Variants in NPAS2 observed in about 807,000 individuals in gnomAD.
The protein encoded by NPAS2 is neuronal PAS domain-containing protein 2.
In NPAS2, 23 loss-of-function variants were observed where a neutral mutation model predicts 107.5. That is an observed-to-expected ratio of 0.21 (90% confidence interval 0.15 to 0.30). The LOEUF is 0.30. NPAS2 is among the 10% of genes least tolerant of loss of function. The pLI, the probability that NPAS2 is intolerant of heterozygous loss-of-function variation, is 1.00. For missense variants in NPAS2, 756 were observed against 1,043.3 expected (o/e 0.72, Z 3.79); for synonymous variants, 403 against 417.5 (o/e 0.97, Z 0.42).
intron 7 of NPAS2, among the ~76,000 whole-genome samples, chr2:100,957,805 G>C (rs1329715558): frequency 6.6e-6 from 1 of 152,206 alleles, no homozygotes; most frequent in South Asian, 2.1e-4. Context: ...GCAGGTGCCT[G>C]TAGTCCCAGC....
chr2:100,888,207 A>C (rs898780543), intron 1 of NPAS2, among the ~76,000 whole-genome samples: 1 of 152,136 alleles, frequency 6.6e-6, no homozygotes, highest in Admixed American at 6.5e-5. Context: ...CAGATTCCTA[A>C]ATGGAAGCTC....
At chr2:100,909,535 G>GC (rs1472293444) in intron 2 of NPAS2, among the ~76,000 whole-genome samples, 2 of 152,218 alleles carry the variant, frequency 1.3e-5, no homozygotes, top group Non-Finnish European at 2.9e-5. Context: ...CTTGCAGAGT[G>GC]CCCCTGCATG....
At chr2:100,881,506 C>T (rs1246151416) in intron 1 of NPAS2, among the ~76,000 whole-genome samples, 9 of 152,104 alleles carry the variant, frequency 5.9e-5, no homozygotes, top group East Asian at 1.9e-4. Flanking sequence ...GCCAACGTGG[C>T]GAAACCCCAT....
At chr2:100,952,171 AG>A (rs1332022360) in intron 7 of NPAS2, among the ~76,000 whole-genome samples, 1 of 149,388 alleles carries the variant, frequency 6.7e-6, no homozygotes, top group African/African-American at 2.5e-5. Context: ...AAAAAAAAAA[AG>A]ATGTGCTTTG....
intron 1 of NPAS2, among the ~76,000 whole-genome samples, chr2:100,882,416 T>C (rs1037148967): frequency 9.2e-5 from 14 of 152,190 alleles, no homozygotes; most frequent in South Asian, 6.2e-4. Flanking sequence ...GAGACCATCC[T>C]GGCTAACACA....
chr2:100,934,985 C>G, intron 4 of NPAS2: 1 of 985,394 alleles, frequency 1.0e-6, no homozygotes, highest in South Asian at 4.7e-5. Context: ...TAATGCCCTC[C>G]AGATGTGACT....
At chr2:100,867,672 T>C (rs1392438845) in intron 1 of NPAS2, among the ~76,000 whole-genome samples, 1 of 152,172 alleles carries the variant, frequency 6.6e-6, no homozygotes, top group East Asian at 1.9e-4. Context: ...AGAGATTATA[T>C]GTTTATTATG....
chr2:100,839,788 A>C (rs970555610), intron 1 of NPAS2, among the ~76,000 whole-genome samples: 1 of 152,164 alleles, frequency 6.6e-6, no homozygotes, highest in African/African-American at 2.4e-5. Flanking sequence ...TTTATCAAAA[A>C]TTGCTGCCAG....
intron 5 of NPAS2, among the ~76,000 whole-genome samples, chr2:100,942,548 T>G (rs1356737964): frequency 7.0e-6 from 1 of 142,626 alleles, no homozygotes; most frequent in Non-Finnish European, 1.6e-5. Context: ...TTGATTTTTA[T>G]ATACCATAAA....
chr2:100,915,234 G>C (rs1682803876), intron 2 of NPAS2, among the ~76,000 whole-genome samples: 1 of 152,148 alleles, frequency 6.6e-6, no homozygotes, highest in East Asian at 1.9e-4. Flanking sequence ...ACTTCCAAGA[G>C]GGTGGGATGA....
chr2:100,969,377 C>T (rs1676413927), intron 11 of NPAS2, among the ~76,000 whole-genome samples: 1 of 152,044 alleles, frequency 6.6e-6, no homozygotes, highest in African/African-American at 2.4e-5. Flanking sequence ...TGTCAGGCCC[C>T]GGTGTGTGAT....
intron 1 of NPAS2, among the ~76,000 whole-genome samples, chr2:100,834,994 C>T (rs748733359): frequency 7.9e-5 from 12 of 152,204 alleles, no homozygotes; most frequent in African/African-American, 2.4e-4. Context: ...GGATTACAGG[C>T]GTGAGCCACT....
chr2:100,830,549 A>C (rs1676669482), intron 1 of NPAS2, among the ~76,000 whole-genome samples: 1 of 141,536 alleles, frequency 7.1e-6, no homozygotes, highest in African/African-American at 2.7e-5. Context: ...TTCAGTTCCC[A>C]CCTATGAGTG....
At chr2:100,937,365 T>C (rs1377155909) in intron 4 of NPAS2, among the ~76,000 whole-genome samples, 2 of 152,194 alleles carry the variant, frequency 1.3e-5, no homozygotes, top group Non-Finnish European at 1.5e-5. Flanking sequence ...GAACTCAAAG[T>C]GATGGCAGGG....
intron 1 of NPAS2, among the ~76,000 whole-genome samples, chr2:100,860,341 T>C (rs1325201735): frequency 6.6e-6 from 1 of 152,234 alleles, no homozygotes; most frequent in Non-Finnish European, 1.5e-5. Flanking sequence ...ACGACCATGC[T>C]GTTGATTAGT....
At chr2:100,873,963 T>A (rs1357174571) in intron 1 of NPAS2, among the ~76,000 whole-genome samples, 2 of 151,788 alleles carry the variant, frequency 1.3e-5, no homozygotes, top group African/African-American at 4.8e-5. Flanking sequence ...GTTTTATATA[T>A]AACCAACTCT....
intron 1 of NPAS2, among the ~76,000 whole-genome samples, chr2:100,877,393 A>C (rs1680037944): frequency 8.2e-6 from 1 of 121,878 alleles, no homozygotes; most frequent in Non-Finnish European, 1.6e-5. Flanking sequence ...TGAACCTGGG[A>C]GGCGGAGCTT....
chr2:100,977,835 A>C, intron 15 of NPAS2, 36 bp downstream of exon 15: 2 of 1,565,506 alleles, frequency 1.3e-6, no homozygotes, highest in Non-Finnish European at 8.8e-7. Flanking sequence ...AGCCCCTCTC[A>C]AGCCAGAAGT....
Position 100,993,507 on chromosome 2 carries a change from C to G in NPAS2, c.2272C>G (p.Pro758Ala). The G allele has an allele frequency of 6.3e-7, 1 of 1,585,428 alleles. No individual in the cohort carries two copies. Among genetic ancestry groups the G allele is most frequent in the Non-Finnish European group, 8.6e-7 (1 of 1,165,870 alleles). The change falls in exon 20 of 21, where the codon CCA becomes GCA. Residue 758 changes from proline (P) to alanine (A), a missense_variant. Coordinates refer to ENST00000335681, the MANE Select transcript of NPAS2 (RefSeq NM_002518.4). ...GCAGCCTGCACAGGCCCGGCAGCAG[C>G]CACCGCAGCACTACCTGCAGGTGGG... ...PLQPAQARQQ[P>A]PQHYLQVQAP...
Sources: gnomAD v4.1 joint callset for allele counts (sites outside exome capture counted in the v4.1 genomes callset) on GRCh38, gnomAD v4.1.1 for gene constraint, MANE v1.5 for transcripts, NCBI Gene and HGNC (gene_info 2026-07-23, HGNC 2026-07-21) for gene names.